INTS1: variants seen among roughly 807,000 people sequenced by gnomAD.
INTS1 encodes integrator complex subunit 1.
Under a neutral mutation model 241.6 loss-of-function variants are expected in INTS1, and 137 were observed. The ratio of observed to expected loss-of-function variants is 0.57; its 90% CI spans 0.49 to 0.65. The LOEUF is 0.65. Among genes scored for constraint, INTS1 ranks in the 30% least tolerant of loss-of-function variants. The probability of loss-of-function intolerance (pLI) is 0.00; values close to 1 mark genes in which losing one functional copy is unlikely to be tolerated. For missense variants in INTS1, 3,073 were observed against 3,032.2 expected, an observed-to-expected ratio of 1.01 and a Z score of -0.32; for synonymous variants, 1,692 against 1,337.8, an observed-to-expected ratio of 1.26 and a Z score of -5.78.
At chr7:1,491,453 C>T (rs1459655976) in intron 16 of INTS1, among the ~76,000 whole-genome samples, 3 of 152,316 alleles carry the variant, frequency 2.0e-5, no homozygotes, top group South Asian at 2.1e-4. Flanking sequence ...GTGGCTCAAA[C>T]ACCTGAAAGT....
intron 44 of INTS1, among the ~76,000 whole-genome samples, chr7:1,471,912 C>T (rs537200104): frequency 6.6e-6 from 1 of 152,224 alleles, no homozygotes. Context: ...TCCCCACGGC[C>T]CGACTCCATC....
chr7:1,483,830 GAAGACCTGGTCCT>G lies in INTS1; in HGVS notation c.3440_3452del (p.Gln1147ProfsTer21). On this transcript the variant is annotated frameshift_variant, in exon 26 of 48. Coordinates refer to ENST00000404767, the MANE Select transcript of INTS1 (RefSeq NM_001080453.3). LOFTEE classifies it high-confidence loss of function. ...CTGTCTCCCCGCTGCTCCAGCGTAG[GAAGACCTGGTCCT>G]GAGACTCCGACTGTGGGAAAAGAGG... is the stretch of plus-strand genomic sequence containing the variant. The G allele has an allele frequency of 6.2e-7, 1 of 1,612,252 alleles. No homozygotes were observed. Among genetic ancestry groups the G allele is most frequent in the Non-Finnish European group, 8.5e-7 (1 of 1,179,308 alleles).
chr7:1,475,937 T>C lies in INTS1; in HGVS notation c.5502+11A>G, dbSNP rs1262526933. The C allele has an allele frequency of 2.0e-6, 3 of 1,534,976 alleles. No homozygotes were observed. Among genetic ancestry groups the C allele is most frequent in the Non-Finnish European group, 2.6e-6 (3 of 1,142,920 alleles). On this transcript the variant is annotated intron_variant, in intron 39 of 47. Coordinates refer to ENST00000404767, the MANE Select transcript of INTS1 (RefSeq NM_001080453.3). ...GGACGGCGGCGGGGAGCGGCAGAGTTGCGCCCTCACCTTGCAGACGCTGCT... is the reference window on the plus strand; with the variant it reads ...GGACGGCGGCGGGGAGCGGCAGAGTCGCGCCCTCACCTTGCAGACGCTGCT...
At chr7:1,502,721 C>T (rs1202617897) in intron 3 of INTS1, among the ~76,000 whole-genome samples, 180 bp downstream of exon 3, 1 of 152,198 alleles carries the variant, frequency 6.6e-6, no homozygotes, top group Non-Finnish European at 1.5e-5. Flanking sequence ...GACGCAGATG[C>T]ACACACGGGA....
Position 1,502,980 on chromosome 7 carries a change from C to G in INTS1, c.270G>C (p.Gly90=). 1 of 1,613,792 alleles carries G rather than the reference C, an allele frequency of 6.2e-7. No individual in the cohort carries two copies. The change falls in exon 3 of 48, where the codon GGG becomes GGC. Residue 90 remains glycine (G), a synonymous_variant. Coordinates refer to ENST00000404767, the MANE Select transcript of INTS1 (RefSeq NM_001080453.3). ...CTGCCACTGCAGCCTCAGCCAGGCG[C>G]CCCAGGGCACTCAGAGGGGGTGTGG... is the stretch of plus-strand genomic sequence containing the variant. ...LSSTPPLSAL[G]RLAEAAVAEK...
chr7:1,470,962 G>A lies in INTS1; in HGVS notation c.6348-7C>T, dbSNP rs766105593. 1.9e-6 allele frequency: 3 copies of A among 1,555,354 alleles called. No homozygotes were observed. Among genetic ancestry groups the A allele is most frequent in the Non-Finnish European group, 2.6e-6 (3 of 1,149,876 alleles). ...CAGGAAAGCGGCTGCAATGCTGAAAGACCCACACACTTCAGTGGGAACCTC... is the reference window on the plus strand; with the variant it reads ...CAGGAAAGCGGCTGCAATGCTGAAAAACCCACACACTTCAGTGGGAACCTC... On this transcript the variant is annotated splice_polypyrimidine_tract_variant and splice_region_variant and intron_variant, in intron 46 of 47. Coordinates refer to ENST00000404767, the MANE Select transcript of INTS1 (RefSeq NM_001080453.3).
intron 30 of INTS1, among the ~76,000 whole-genome samples, chr7:1,479,976 G>A (rs182338804): frequency 5.9e-5 from 9 of 152,356 alleles, no homozygotes; most frequent in Middle Eastern, 3.4e-3. Flanking sequence ...CAGGATCCCC[G>A]GCTCCAACAG....
intron 20 of INTS1, 23 bp from the exon 21 acceptor site, chr7:1,487,124 C>T (rs762113185): frequency 4.6e-6 from 7 of 1,537,412 alleles, no homozygotes; most frequent in East Asian, 2.5e-5. Context: ...CAGTGGCGCC[C>T]GCTCAGCACC....
chr7:1,504,041 C>G, intron 1 of INTS1, 40 bp from the exon 2 acceptor site: 3 of 1,033,058 alleles, frequency 2.9e-6, no homozygotes, highest in Non-Finnish European at 4.2e-6. Flanking sequence ...TTCACTCATT[C>G]GCTCGTTCGC....
At position 1,499,576 on chromosome 7, in the gene INTS1, CTTA is replaced by C; in HGVS notation, c.738_740del (p.Cys246_Lys247delinsTrp). 6.2e-7 allele frequency: 1 copy of C among 1,613,504 alleles called. No homozygotes were observed. The highest frequency in any genetic ancestry group is 8.5e-7 in the Non-Finnish European group (1 of 1,179,668). ...CCGTCTGGATGTTGTCCACAAACGT[CTTA>C]CAGTGAGGGCTGTCCACCCAGATCC... On this transcript the variant is annotated inframe_deletion, in exon 6 of 48. Coordinates refer to ENST00000404767, the MANE Select transcript of INTS1 (RefSeq NM_001080453.3).
In INTS1 at chr7:1,493,664, G is replaced by A. The variant is rs1395450746; in HGVS notation, c.2068+90C>T. 8 of 1,435,406 alleles carry A rather than the reference G, an allele frequency of 5.6e-6. No individual in the cohort carries two copies. Among genetic ancestry groups the A allele is most frequent in the Non-Finnish European group, 7.4e-6 (8 of 1,086,386 alleles). 88.9% of individuals were successfully genotyped at this position (1,435,406 alleles called of 1,614,324 possible). ...CCCAGCTGAAGCGCAGCTTTGTGGA[G>A]CGCCCCAGAGGTGCGTGCCAGAGCC... On this transcript the variant is annotated intron_variant, in intron 15 of 47. Coordinates refer to ENST00000404767, the MANE Select transcript of INTS1 (RefSeq NM_001080453.3). This position sits in a 1 kb window ranked among gnomAD's most constrained non-coding sequence, Gnocchi z 5.3.
chr7:1,498,402 C>T lies in INTS1; in HGVS notation c.1425+10G>A, dbSNP rs1309169999. 1.9e-6 allele frequency: 3 copies of T among 1,613,302 alleles called. No homozygotes were observed. The African/African-American group carries it at 4.0e-5, about 22-fold the overall frequency. On this transcript the variant is annotated intron_variant, in intron 10 of 47. Coordinates refer to ENST00000404767, the MANE Select transcript of INTS1 (RefSeq NM_001080453.3). ...GGCGTGGAGGGCAAGGCCAGGGACC[C>T]TGGGCCTACCTTGGGCGCCAGCTCT...
intron 44 of INTS1, 121 bp downstream of exon 44, chr7:1,472,152 A>G: frequency 1.4e-6 from 1 of 740,158 alleles, no homozygotes; most frequent in East Asian, 2.7e-5. Context: ...CCACCCACCC[A>G]CAGCCCAGCG....
At chr7:1,501,888 C>T (rs926464767) in intron 3 of INTS1, among the ~76,000 whole-genome samples, 3 of 152,170 alleles carry the variant, frequency 2.0e-5, no homozygotes, top group African/African-American at 7.2e-5. Flanking sequence ...GGCCTCCATT[C>T]CCTGGGCACA....
At position 1,481,015 on chromosome 7, in the gene INTS1, G is replaced by A; in HGVS notation, c.3851-82C>T. On this transcript the variant is annotated intron_variant, in intron 28 of 47. Transcript: ENST00000404767. The surrounding 1 kb of genome is among the most constrained non-coding windows in gnomAD (Gnocchi z 6.8). ...TTCCCTCTCCACAGAAACCAGAGTTGGAGATGCCCCCACCGTCACCAGCAC... is the reference window on the plus strand; with the variant it reads ...TTCCCTCTCCACAGAAACCAGAGTTAGAGATGCCCCCACCGTCACCAGCAC... 2 of 1,030,342 alleles carry A rather than the reference G, an allele frequency of 1.9e-6. No individual in the cohort carries two copies. Among genetic ancestry groups the A allele is most frequent in the Admixed American group, 2.0e-5 (1 of 50,022 alleles). The allele number at this position is 1,030,342 out of a possible 1,614,324, so 63.8% of individuals were successfully genotyped here. A position where few individuals can be genotyped will look rare whatever the true frequency, so the allele number is the denominator to read the frequency against.
At position 1,494,860 on chromosome 7, in the gene INTS1, C is replaced by A; in HGVS notation, c.1866G>T (p.Glu622Asp). Residue 622 changes from glutamate (E) to aspartate (D), a missense_variant, in exon 14 of 48, where the codon GAG (glutamate) becomes GAT (aspartate). Physicochemically the swap from Glu to Asp is conservative, Grantham distance 45. Transcript: ENST00000404767. ...GCCAGTTGTCCCACTTGTAGTAGGT[C>A]TCCGGCTGCTCTGTGAACAGCACCT... ...LHKVLFTEQP[E>D]TYYKWDNWPP... is the part of the protein sequence containing the mutation. 5 of 1,568,044 alleles carry A rather than the reference C, an allele frequency of 3.2e-6. No individual in the cohort carries two copies. Among genetic ancestry groups the A allele is most frequent in the Non-Finnish European group, 4.3e-6 (5 of 1,157,054 alleles).
rs560678341 is a variant in INTS1, at chr7:1,494,288, C to T, written c.1911-377G>A. Among the ~76,000 whole-genome samples the T allele has an allele frequency of 4.0e-4, 61 of 152,328 alleles. 1 individual carries two copies. The South Asian group carries it at 9.9e-3, about 25-fold the overall frequency. On this transcript the variant is annotated intron_variant, in intron 14 of 47. Coordinates refer to ENST00000404767, the MANE Select transcript of INTS1 (RefSeq NM_001080453.3). ...AACCCCTACACCTCCAAAGCCTGACCGGAAGGCCGCAGTGAAGGTGAACAG... is the reference window on the plus strand; with the variant it reads ...AACCCCTACACCTCCAAAGCCTGACTGGAAGGCCGCAGTGAAGGTGAACAG...
intron 38 of INTS1, 37 bp downstream of exon 38, chr7:1,476,192 C>T: frequency 6.5e-7 from 1 of 1,538,722 alleles, no homozygotes; most frequent in Non-Finnish European, 8.7e-7. Flanking sequence ...CCATGGCTCA[C>T]TCCCAGGCAG....
Position 1,499,394 on chromosome 7 carries a change from T to TTCCCC in INTS1, c.845-35_845-34insGGGGA. ...CAAGGAGAGGGCTCCATGCAGCGCC[T>TTCCCC]CCCACCCGCCCATCCTCCCACCCCT... On this transcript the variant is annotated intron_variant, in intron 6 of 47. Coordinates refer to ENST00000404767, the MANE Select transcript of INTS1 (RefSeq NM_001080453.3). The TTCCCC allele has an allele frequency of 2.1e-6, 3 of 1,400,264 alleles. No individual in the cohort carries two copies. In the African/African-American group the frequency reaches 4.5e-5, roughly 21 times the overall value. The allele number at this position is 1,400,264 out of a possible 1,614,324, so 86.7% of individuals were successfully genotyped here.
Sources: allele counts gnomAD v4.1 joint callset (sites outside exome capture counted in the v4.1 genomes callset), GRCh38; gene constraint gnomAD v4.1.1; non-coding constraint Gnocchi (gnomAD v3.1); transcripts MANE v1.5; gene names NCBI Gene and HGNC (gene_info 2026-07-23, HGNC 2026-07-21).